Variants in COL13A1 observed in about 807,000 individuals in gnomAD.
COL13A1 encodes the protein collagen alpha-1(XIII) chain.
A neutral mutation model predicts 130.9 loss-of-function variants in COL13A1; 89 were observed. That is an observed-to-expected ratio of 0.68 (90% CI 0.57 to 0.81). The LOEUF (loss-of-function observed/expected upper bound fraction) is 0.81, where lower values mean the gene tolerates loss of function less well. Ranked by LOEUF, COL13A1 falls within the 30% of genes least tolerant of loss-of-function variation. The pLI is 0.00. For missense variants in COL13A1, 879 were observed against 934.6 expected, an observed-to-expected ratio of 0.94 and a Z score of 0.78; for synonymous variants, 402 against 341.6, an observed-to-expected ratio of 1.18 and a Z score of -1.95.
At chr10:69,903,453 G>A (rs376168748) in intron 15 of COL13A1, among the ~76,000 whole-genome samples, 1 of 152,198 alleles carries the variant, frequency 6.6e-6, no homozygotes, top group African/African-American at 2.4e-5. Flanking sequence ...CAAGTGACAG[G>A]TCAAGCCCAG....
At chr10:69,913,606 C>A (rs1017027417) in intron 17 of COL13A1, among the ~76,000 whole-genome samples, 1 of 152,210 alleles carries the variant, frequency 6.6e-6, no homozygotes, top group Non-Finnish European at 1.5e-5. Flanking sequence ...TCCCCCTCCC[C>A]CGCCTCCTGC....
intron 6 of COL13A1, 86 bp downstream of exon 6, chr10:69,878,151 C>G (rs574742012): frequency 1.7e-5 from 12 of 689,164 alleles, no homozygotes; most frequent in South Asian, 6.0e-5. Flanking sequence ...CCCTCCCCCC[C>G]ATGAAAGCCG....
chr10:69,916,375 C>T (rs534349943), intron 17 of COL13A1, among the ~76,000 whole-genome samples: 2 of 152,192 alleles, frequency 1.3e-5, no homozygotes, highest in African/African-American at 2.4e-5. Context: ...GACACCATCC[C>T]GGGCCCCAGC....
At chr10:69,834,641 C>T (rs1461839903) in intron 2 of COL13A1, among the ~76,000 whole-genome samples, 2 of 152,210 alleles carry the variant, frequency 1.3e-5, no homozygotes, top group African/African-American at 2.4e-5. Flanking sequence ...CAGGGTTTGC[C>T]TGAGGTCCAC....
chr10:69,817,523 C>T (rs1034024619), intron 1 of COL13A1, among the ~76,000 whole-genome samples: 3 of 151,848 alleles, frequency 2.0e-5, no homozygotes, highest in Non-Finnish European at 2.9e-5. Context: ...GCTGGGCTTC[C>T]GTTTGAGATC....
At chr10:69,935,073 T>A (rs902090194) in intron 31 of COL13A1, among the ~76,000 whole-genome samples, 4 of 151,090 alleles carry the variant, frequency 2.6e-5, no homozygotes, top group African/African-American at 9.8e-5. Context: ...TCTGGTGTTT[T>A]TTTTGTTTTT....
chr10:69,882,193 T>C (rs1021841359), intron 7 of COL13A1, among the ~76,000 whole-genome samples: 2 of 151,938 alleles, frequency 1.3e-5, no homozygotes, highest in Non-Finnish European at 2.9e-5. Flanking sequence ...GACAGGGGAG[T>C]AACACAGCAT....
intron 30 of COL13A1, among the ~76,000 whole-genome samples, chr10:69,932,169 T>C (rs981358680): frequency 6.6e-6 from 1 of 152,180 alleles, no homozygotes; most frequent in African/African-American, 2.4e-5. Context: ...GCACGTGTGT[T>C]TGTGTGTTCA....
intron 7 of COL13A1, among the ~76,000 whole-genome samples, chr10:69,884,997 A>G (rs1462147172): frequency 6.6e-6 from 1 of 152,234 alleles, no homozygotes; most frequent in Non-Finnish European, 1.5e-5. Context: ...AAAATGAAAG[A>G]CAGTTGTTTG....
At chr10:69,829,943 A>G (rs1848420117) in intron 2 of COL13A1, among the ~76,000 whole-genome samples, 1 of 152,192 alleles carries the variant, frequency 6.6e-6, no homozygotes, top group Non-Finnish European at 1.5e-5. Flanking sequence ...GCCCTCCTGG[A>G]CGCTGCTGAT....
At chr10:69,849,491 C>A (rs1284829742) in intron 2 of COL13A1, among the ~76,000 whole-genome samples, 1 of 152,150 alleles carries the variant, frequency 6.6e-6, no homozygotes, top group Non-Finnish European at 1.5e-5. Flanking sequence ...CACACAATGG[C>A]ACGTTTTTAT....
chr10:69,909,983 C>A (rs895936950), intron 17 of COL13A1, among the ~76,000 whole-genome samples: 1 of 152,200 alleles, frequency 6.6e-6, no homozygotes, highest in Non-Finnish European at 1.5e-5. Context: ...CCTCATCAAG[C>A]CCTGTGGCCA....
chr10:69,890,422 G>T (rs950155932), intron 10 of COL13A1, among the ~76,000 whole-genome samples: 24 of 152,366 alleles, frequency 1.6e-4, no homozygotes, highest in African/African-American at 5.3e-4. Context: ...GATCCAGGTC[G>T]CACCTACTGT....
At chr10:69,956,698 A>G (rs2070768520) in intron 39 of COL13A1, 2 of 331,476 alleles carry the variant, frequency 6.0e-6, no homozygotes, top group Non-Finnish European at 5.9e-6. Context: ...CCATAGGGCC[A>G]CAGCAGAGAC....
chr10:69,899,230 G>A (rs190035763), intron 14 of COL13A1, among the ~76,000 whole-genome samples: 2 of 152,302 alleles, frequency 1.3e-5, no homozygotes, highest in East Asian at 3.9e-4. Flanking sequence ...CTGTGTCCCA[G>A]CCTTCTCATC....
At chr10:69,898,268 C>G (rs2134974796) in intron 13 of COL13A1, among the ~76,000 whole-genome samples, 1 of 152,334 alleles carries the variant, frequency 6.6e-6, no homozygotes, top group East Asian at 1.9e-4. Flanking sequence ...CCTTCTGTCC[C>G]CCAAGCAGGG....
chr10:69,826,427 G>T (rs1847500109), intron 2 of COL13A1, among the ~76,000 whole-genome samples: 1 of 152,232 alleles, frequency 6.6e-6, no homozygotes, highest in South Asian at 2.1e-4. Flanking sequence ...GTGGCATGGG[G>T]GTGATGTGGT....
At position 69,902,763 on chromosome 10, in the gene COL13A1, G is replaced by A; in HGVS notation, c.766G>A (p.Ala256Thr). The A allele has an allele frequency of 6.4e-7, 1 of 1,553,704 alleles. No homozygotes were observed. The highest frequency in any genetic ancestry group is 8.7e-7 in the Non-Finnish European group (1 of 1,148,732). The part of the protein sequence containing the change: ...RRTFQGEQSQ[A>T]SIQGPPGPPG... ...TGAACCTCAGGGCGAACAGAGCCAGGCCAGCATCCAAGGTCCACCAGGGCC... is the reference window on the plus strand; with the variant it reads ...TGAACCTCAGGGCGAACAGAGCCAGACCAGCATCCAAGGTCCACCAGGGCC... Residue 256 changes from alanine to threonine, a missense_variant, in exon 15 of 41, where the codon GCC becomes ACC. Ala to Thr is a moderately conservative substitution (Grantham distance 58, BLOSUM62 0). Coordinates refer to ENST00000645393, the MANE Select transcript of COL13A1 (RefSeq NM_001368882.1).
intron 3 of COL13A1, 69 bp downstream of exon 3, chr10:69,867,874 G>T: frequency 4.2e-6 from 3 of 716,646 alleles, no homozygotes; most frequent in Non-Finnish European, 2.6e-6. Flanking sequence ...CGGGGTTCTG[G>T]GTGGGGGCAC....
Sources: allele counts gnomAD v4.1 joint callset (sites outside exome capture counted in the v4.1 genomes callset), GRCh38; gene constraint gnomAD v4.1.1; transcripts MANE v1.5; gene names NCBI Gene and HGNC (gene_info 2026-07-23, HGNC 2026-07-21).